Variants in BCR observed in about 807,000 individuals in gnomAD.
The protein encoded by BCR is BCR activator of RhoGEF and GTPase.
In BCR, 58 loss-of-function variants were observed where a neutral mutation model predicts 138.6. The ratio of observed to expected loss-of-function variants is 0.42; its 90% confidence interval spans 0.34 to 0.52. BCR has a LOEUF of 0.52. Among genes scored for constraint, BCR ranks in the 20% least tolerant of loss-of-function variants. BCR has a pLI of 0.06. For missense variants in BCR, 1,599 were observed against 1,727.2 expected, an observed-to-expected ratio of 0.93 and a Z score of 1.32; for synonymous variants, 786 against 730.1, an observed-to-expected ratio of 1.08 and a Z score of -1.23.
chr22:23,296,624 T>C (rs1462751886), intron 16 of BCR, among the ~76,000 whole-genome samples: 1 of 152,160 alleles, frequency 6.6e-6, no homozygotes, highest in East Asian at 1.9e-4. Context: ...CAGAGCCTCC[T>C]GGGGCTCCCT....
intron 3 of BCR, 50 bp from the exon 4 acceptor site, chr22:23,261,305 C>T (rs757284918): frequency 5.7e-5 from 89 of 1,562,868 alleles, no homozygotes; most frequent in Admixed American, 5.2e-4. Flanking sequence ...ATGCACCTGA[C>T]GGATGGCAGC....
At chr22:23,287,872 C>T (rs1046582263) in intron 11 of BCR, among the ~76,000 whole-genome samples, 1 of 152,198 alleles carries the variant, frequency 6.6e-6, no homozygotes, top group African/African-American at 2.4e-5. Flanking sequence ...ACACCCTGAC[C>T]CATGTAGTTC....
At chr22:23,190,050 G>A (rs556535785) in intron 1 of BCR, among the ~76,000 whole-genome samples, 1 of 152,314 alleles carries the variant, frequency 6.6e-6, no homozygotes, top group African/African-American at 2.4e-5. Flanking sequence ...GGTGCCAGCA[G>A]GGTTGGTTCC....
rs897354156 is a variant in BCR, at chr22:23,311,911, T to C, written c.3322+75T>C. On this transcript the variant is annotated intron_variant, in intron 19 of 22. Coordinates refer to ENST00000305877, the MANE Select transcript of BCR (RefSeq NM_004327.4). Reference sequence around the variant, plus strand: ...CGCGATGAGATCTCAGAGTGCTCCATGGCCCAGGCATGTCACATCCTTCTC... The same window carrying C: ...CGCGATGAGATCTCAGAGTGCTCCACGGCCCAGGCATGTCACATCCTTCTC... The C allele has an allele frequency of 1.3e-4, 211 of 1,578,086 alleles. 2 individuals are homozygous for C. The highest frequency in any genetic ancestry group is 3.8e-5 in the Non-Finnish European group (44 of 1,158,382).
Position 23,273,614 on chromosome 22 carries a change from A to G in BCR, c.1975-20A>G, listed in dbSNP as rs12233352. 123,320 of 1,612,890 alleles carry G rather than the reference A, an allele frequency of 0.076. 5,130 individuals carry two copies. The highest frequency in any genetic ancestry group is 0.11 in the Middle Eastern group (666 of 6,060). On this transcript the variant is annotated intron_variant, in intron 7 of 22. Coordinates refer to ENST00000305877, the MANE Select transcript of BCR (RefSeq NM_004327.4). ...CCAGTGCTCCTCTGTGTCTAACTCA[A>G]GTCTTTCTTCCTGGGGCAGGACTTG... is the stretch of plus-strand genomic sequence containing the variant.
intron 1 of BCR, among the ~76,000 whole-genome samples, chr22:23,223,616 G>A (rs2072854998): frequency 6.6e-6 from 1 of 152,172 alleles, no homozygotes; most frequent in African/African-American, 2.4e-5. Flanking sequence ...GGTACTCAGG[G>A]AGGAGGGCTC....
intron 3 of BCR, 37 bp from the exon 4 acceptor site, chr22:23,261,318 C>T (rs755036378): frequency 6.3e-7 from 1 of 1,592,228 alleles, no homozygotes; most frequent in Non-Finnish European, 8.6e-7. Context: ...ATGGCAGCCC[C>T]TCTCACCTGT....
chr22:23,216,178 C>T (rs529130895), intron 1 of BCR, among the ~76,000 whole-genome samples: 4 of 152,274 alleles, frequency 2.6e-5, no homozygotes, highest in East Asian at 1.9e-4. Flanking sequence ...GGCCTGGCTT[C>T]AGAACATGAA....
chr22:23,224,581 C>T lies in BCR; in HGVS notation c.1280-29218C>T, dbSNP rs139957000. Among the ~76,000 whole-genome samples the T allele has an allele frequency of 1.4e-4, 21 of 152,272 alleles. No individual in the cohort carries two copies. In the East Asian group the frequency reaches 3.9e-3, roughly 28 times the overall value. On this transcript the variant is annotated intron_variant, in intron 1 of 22. Transcript: ENST00000305877. ...GGCCTCCTCAAAGGAGGAAAGACAC[C>T]CTCCAAAACCTGCTGAGAGGCCGGG... is the stretch of plus-strand genomic sequence containing the variant.
intron 18 of BCR, 84 bp from the exon 19 acceptor site, chr22:23,311,613 G>A (rs1022113016): frequency 3.5e-5 from 43 of 1,243,072 alleles, no homozygotes; most frequent in East Asian, 1.2e-4. Context: ...CCCCACCTCC[G>A]GGTGTGCAGA....
chr22:23,202,271 G>C (rs1228770586), intron 1 of BCR, among the ~76,000 whole-genome samples: 2 of 151,796 alleles, frequency 1.3e-5, no homozygotes, highest in African/African-American at 4.8e-5. Context: ...CAATTTAATG[G>C]GTTTTGGTAT....
chr22:23,238,923 C>T (rs940276800), intron 1 of BCR, among the ~76,000 whole-genome samples: 17 of 151,818 alleles, frequency 1.1e-4, no homozygotes, highest in African/African-American at 3.4e-4. Flanking sequence ...TGTCCTCTGT[C>T]GGGTCGGGTC....
At chr22:23,185,027 TC>T (rs996158689) in intron 1 of BCR, among the ~76,000 whole-genome samples, 2 of 152,112 alleles carry the variant, frequency 1.3e-5, no homozygotes, top group African/African-American at 4.8e-5. Context: ...CCGTCCCATT[TC>T]CAAGTTGAGG....
intron 1 of BCR, among the ~76,000 whole-genome samples, chr22:23,205,038 A>G (rs527820026): frequency 6.6e-5 from 10 of 152,344 alleles, no homozygotes; most frequent in South Asian, 2.1e-4. Context: ...CTTTGAGGCC[A>G]TAATTTACCT....
At chr22:23,198,080 G>A (rs1408925770) in intron 1 of BCR, among the ~76,000 whole-genome samples, 1 of 152,130 alleles carries the variant, frequency 6.6e-6, no homozygotes, top group Non-Finnish European at 1.5e-5. Flanking sequence ...AAGAAGTGGG[G>A]GAGTTTATGT....
intron 1 of BCR, among the ~76,000 whole-genome samples, chr22:23,220,638 T>A (rs528889168): frequency 2.6e-5 from 4 of 152,156 alleles, no homozygotes; most frequent in African/African-American, 9.7e-5. Context: ...ACTGTATACT[T>A]GGTGTTTCAT....
rs780142795 is a variant in BCR at position 23,180,570 on chromosome 22, A to AGGCGGC, written c.-375_-370dup. The stretch of plus-strand genomic sequence containing the variant: ...GGCTGGCTGAGCTTAGCGTCCGAGG[A>AGGCGGC]GGCGGCGGCGGCGGCGGCGGCACGG... On this transcript the variant is annotated 5_prime_UTR_variant, in exon 1 of 23. Transcript: ENST00000305877. 33,971 of 108,498 alleles carry AGGCGGC rather than the reference A, an allele frequency of 0.31. 3,505 individuals are homozygous for AGGCGGC. Among genetic ancestry groups the AGGCGGC allele is most frequent in the Admixed American group, 0.36 (3,247 of 9,144 alleles). 6.7% of individuals were successfully genotyped at this position (108,498 alleles called of 1,614,324 possible).
At chr22:23,291,401 A>G (rs1277956960) in intron 14 of BCR, among the ~76,000 whole-genome samples, 1 of 151,826 alleles carries the variant, frequency 6.6e-6, no homozygotes, top group Non-Finnish European at 1.5e-5. Context: ...AAAATTCTTT[A>G]AACCCTACAC....
intron 5 of BCR, among the ~76,000 whole-genome samples, chr22:23,269,501 G>C (rs927426624): frequency 6.6e-6 from 1 of 152,216 alleles, no homozygotes; most frequent in Non-Finnish European, 1.5e-5. Context: ...GGGCTTTGTT[G>C]CTGAGGCTTT....
Sources: gnomAD v4.1 joint callset for allele counts (sites outside exome capture counted in the v4.1 genomes callset) on GRCh38, gnomAD v4.1.1 for gene constraint, MANE v1.5 for transcripts, NCBI Gene and HGNC (gene_info 2026-07-23, HGNC 2026-07-21) for gene names.